SLC26A5: variants seen among roughly 807,000 people sequenced by gnomAD.
SLC26A5 encodes the protein solute carrier family 26 member 5, also known as prestin.
SLC26A5 carries 51 observed loss-of-function variants against 81.0 expected under a neutral mutation model. That is an observed-to-expected ratio of 0.63 (90% CI 0.50 to 0.80). The LOEUF is 0.80. Among genes scored for constraint, SLC26A5 ranks in the 30% least tolerant of loss-of-function variants. The probability of loss-of-function intolerance (pLI) is 0.00; values close to 1 mark genes in which losing one functional copy is unlikely to be tolerated. For synonymous variants in SLC26A5, 325 were observed against 332.8 expected (o/e 0.98, Z 0.25); for missense variants, 771 against 905.8 (o/e 0.85, Z 1.91).
chr7:103,418,699 A>AT (rs1036865167), intron 4 of SLC26A5, among the ~76,000 whole-genome samples: 4 of 152,256 alleles, frequency 2.6e-5, no homozygotes, highest in East Asian at 1.9e-4. Context: ...TTGACAAGTT[A>AT]TTTTTTTGGA....
intron 4 of SLC26A5, among the ~76,000 whole-genome samples, chr7:103,415,727 T>A (rs1403022691): frequency 2.0e-5 from 3 of 152,254 alleles, no homozygotes; most frequent in Non-Finnish European, 4.4e-5. Context: ...CTTTCTAGTC[T>A]GAGATCCTCT....
intron 19 of SLC26A5, chr7:103,352,983 C>G: frequency 1.3e-6 from 1 of 780,012 alleles, no homozygotes. Flanking sequence ...TTTTTTACCA[C>G]TCTGTCTATT....
intron 8 of SLC26A5, among the ~76,000 whole-genome samples, chr7:103,401,987 T>A (rs1823628217): frequency 6.6e-6 from 1 of 152,238 alleles, no homozygotes; most frequent in Admixed American, 6.5e-5. Context: ...TTCGCATCGA[T>A]ATTCATCAGG....
At position 103,412,990 on chromosome 7, in the gene SLC26A5, G is replaced by A. The variant is rs1416830664; in HGVS notation, c.403+12C>T. 5 of 1,527,422 alleles carry A rather than the reference G, an allele frequency of 3.3e-6. No individual in the cohort carries two copies. Among genetic ancestry groups the A allele is most frequent in the African/African-American group, 2.7e-5 (2 of 73,126 alleles). The allele number at this position is 1,527,422 out of a possible 1,614,324, so 94.6% of individuals were successfully genotyped here. On this transcript the variant is annotated intron_variant, in intron 5 of 19. Transcript: ENST00000306312. ...AAGGAAAGGTAATAGAATATCAAAT[G>A]TAAGCTTTTACCTATGGATATGTGT... is the stretch of plus-strand genomic sequence containing the variant.
chr7:103,417,033 CT>C (rs920927762), intron 4 of SLC26A5, among the ~76,000 whole-genome samples: 2 of 152,152 alleles, frequency 1.3e-5, no homozygotes, highest in African/African-American at 4.8e-5. Flanking sequence ...TGATCTGTGC[CT>C]CTCAGCAGTG....
chr7:103,373,846 G>A (rs1423485085), downstream of SLC26A5, among the ~76,000 whole-genome samples: 1 of 152,192 alleles, frequency 6.6e-6, no homozygotes, highest in East Asian at 1.9e-4. Flanking sequence ...TCTCTGAGTG[G>A]TGGAAATATG....
rs540324474 is a variant in SLC26A5, at chr7:103,422,605, T to C, written c.-53-1038A>G. Among the ~76,000 whole-genome samples the C allele has an allele frequency of 3.3e-5, 5 of 152,292 alleles. No individual in the cohort carries two copies. The South Asian group carries it at 8.3e-4, about 25-fold the overall frequency. On this transcript the variant is annotated intron_variant, in intron 2 of 19. Coordinates refer to ENST00000306312, the MANE Select transcript of SLC26A5 (RefSeq NM_198999.3). The stretch of plus-strand genomic sequence containing the variant: ...AGAGGGAAATGAGACTAAGAAGGGA[T>C]AGTAGAGGGCTTCTACTAACTGTAT...
downstream of SLC26A5, among the ~76,000 whole-genome samples, chr7:103,370,524 C>T (rs1456006294): frequency 6.6e-6 from 1 of 152,118 alleles, no homozygotes; most frequent in African/African-American, 2.4e-5. Flanking sequence ...CTGGTACTGT[C>T]TTTCTCTGCT....
At chr7:103,371,979 G>A (rs767240676), downstream of SLC26A5, among the ~76,000 whole-genome samples, 7 of 152,324 alleles carry the variant, frequency 4.6e-5, no homozygotes, top group East Asian at 1.9e-4. Context: ...ACAGGCGTGA[G>A]CCACCGCACC....
At chr7:103,439,431 CT>C (rs1685626367) in intron 2 of SLC26A5, among the ~76,000 whole-genome samples, 1 of 152,198 alleles carries the variant, frequency 6.6e-6, no homozygotes, top group Non-Finnish European at 1.5e-5. Flanking sequence ...CTCTCAAACT[CT>C]TGTCCACTGC....
chr7:103,413,281 G>A (rs915720959), intron 4 of SLC26A5, among the ~76,000 whole-genome samples, 169 bp from the exon 5 acceptor site: 41 of 152,200 alleles, frequency 2.7e-4, no homozygotes, highest in Admixed American at 2.6e-3. Flanking sequence ...GGTGCTGATA[G>A]AGTCCAAGCT....
In SLC26A5 at chr7:103,380,564, T is replaced by G. The variant is rs200753697; in HGVS notation, c.1515-15A>C. Reference sequence around the variant, plus strand: ...TGTAGCTTGGACTGAAGATAAAGAGTGTTAAATACCATTGTGTTGAGGCAC... The same window carrying G: ...TGTAGCTTGGACTGAAGATAAAGAGGGTTAAATACCATTGTGTTGAGGCAC... On this transcript the variant is annotated splice_polypyrimidine_tract_variant and intron_variant, in intron 14 of 19. Coordinates refer to ENST00000306312, the MANE Select transcript of SLC26A5 (RefSeq NM_198999.3). 3 of 1,609,566 alleles carry G rather than the reference T, an allele frequency of 1.9e-6. No individual in the cohort carries two copies. In the Admixed American group the frequency reaches 5.0e-5, roughly 27 times the overall value.
chr7:103,383,496 G>A (rs1165013033), intron 14 of SLC26A5, among the ~76,000 whole-genome samples: 2 of 152,070 alleles, frequency 1.3e-5, no homozygotes, highest in Non-Finnish European at 2.9e-5. Flanking sequence ...TCCCAGTGAA[G>A]GCCAAGTCCT....
chr7:103,413,116 T>A lies in SLC26A5; in HGVS notation c.293-4A>T, dbSNP rs1296863323. The stretch of plus-strand genomic sequence containing the variant: ...GCCAGCATTGCAAAGGCTAAGCCTG[T>A]GGGATTAAAAACCAAACAGAAATGG... On this transcript the variant is annotated splice_region_variant and splice_polypyrimidine_tract_variant and intron_variant, in intron 4 of 19. Transcript: ENST00000306312. The A allele has an allele frequency of 6.2e-7, 1 of 1,607,148 alleles. No individual in the cohort carries two copies. The highest frequency in any genetic ancestry group is 1.1e-5 in the South Asian group (1 of 90,904).
chr7:103,410,412 C>T lies in SLC26A5; in HGVS notation c.708G>A (p.Arg236=). The change falls in exon 7 of 20, where the codon CGG becomes CGA. Residue 236 remains arginine (R), a synonymous_variant. Transcript: ENST00000306312. The part of the protein sequence containing the change: ...LKYLFGVKTK[R]YSGIFSVVYS... Reference sequence around the variant, plus strand: ...ACACCACGGAAAAGATTCCACTGTACCGCTTTGTTTTAACTCCAAACAGAT... The same window carrying T: ...ACACCACGGAAAAGATTCCACTGTATCGCTTTGTTTTAACTCCAAACAGAT... 1 of 1,614,068 alleles carries T rather than the reference C, an allele frequency of 6.2e-7. No homozygotes were observed. The highest frequency in any genetic ancestry group is 8.5e-7 in the Non-Finnish European group (1 of 1,179,958).
At chr7:103,436,225 G>T (rs542785256) in intron 2 of SLC26A5, among the ~76,000 whole-genome samples, 1 of 151,962 alleles carries the variant, frequency 6.6e-6, no homozygotes, top group African/African-American at 2.4e-5. Flanking sequence ...TTCTGTTATC[G>T]TCTCAGGAAA....
rs1824647715 is a variant in SLC26A5, at chr7:103,413,214, C to T, written c.293-102G>A. On this transcript the variant is annotated intron_variant, in intron 4 of 19. Coordinates refer to ENST00000306312, the MANE Select transcript of SLC26A5 (RefSeq NM_198999.3). ...TTTATTTCTGATGAACGAGTGAAGC[C>T]CATCTTAATTTAAGCTGCAACCTGC... is the stretch of plus-strand genomic sequence containing the variant. 6.2e-6 allele frequency: 5 copies of T among 806,786 alleles called. No individual in the cohort carries two copies. The South Asian group carries it at 7.2e-5, about 12-fold the overall frequency. 50.0% of individuals were successfully genotyped at this position (806,786 alleles called of 1,614,324 possible). A position where few individuals can be genotyped will look rare whatever the true frequency, so the allele number is the denominator to read the frequency against.
In SLC26A5 at chr7:103,360,006, G is replaced by C. The variant is rs192997443; in HGVS notation, c.2042-7080C>G. Among the ~76,000 whole-genome samples the C allele has an allele frequency of 5.2e-3, 793 of 152,040 alleles. 6 individuals carry two copies. The highest frequency in any genetic ancestry group is 0.018 in the African/African-American group (761 of 41,484). On this transcript the variant is annotated intron_variant, in intron 19 of 19. Coordinates refer to the SLC26A5 transcript ENST00000339444. ...TGACGCAGGAGAATTGCTCGAACGT[G>C]GGAGGCGGAAGTTGCAGTGAGTCAA... is the stretch of plus-strand genomic sequence containing the variant.
In SLC26A5 at chr7:103,379,166, A is replaced by G. The variant is rs12705120; in HGVS notation, c.1677+77T>C. ...AGCGAGAATGAAATAGTATATACAA[A>G]GGTATACTAGTGATCCTCATATCCC... On this transcript the variant is annotated intron_variant, in intron 16 of 19. Transcript: ENST00000306312. 1 allele frequency: 952,911 copies of G among 957,238 alleles called. 474,410 individuals carry two copies. Among genetic ancestry groups the G allele is most frequent in the East Asian group, 1 (41,761 of 41,762 alleles). The allele number at this position is 957,238 out of a possible 1,614,324, so 59.3% of individuals were successfully genotyped here. A position where few individuals can be genotyped will look rare whatever the true frequency, so the allele number is the denominator to read the frequency against.
Sources: gnomAD v4.1 joint callset for allele counts (sites outside exome capture counted in the v4.1 genomes callset) on GRCh38, gnomAD v4.1.1 for gene constraint, MANE v1.5 for transcripts, NCBI Gene and HGNC (gene_info 2026-07-23, HGNC 2026-07-21) for gene names.